The following EDEM3 variants were observed in gnomAD, a reference collection of about 807,000 sequenced individuals.
EDEM3 encodes the protein ER degradation-enhancing alpha-mannosidase-like protein 3.
Under a neutral mutation model 110.2 loss-of-function variants are expected in EDEM3, and 60 were observed. The ratio of observed to expected loss-of-function variants is 0.54; its 90% CI spans 0.44 to 0.67. The LOEUF (loss-of-function observed/expected upper bound fraction) is 0.67. Ranked by LOEUF, EDEM3 falls within the 30% of genes least tolerant of loss-of-function variation. EDEM3 has a pLI of 0.00. For missense variants in EDEM3, 996 were observed against 1,121.0 expected (o/e 0.89, Z 1.59); for synonymous variants, 352 against 382.9 (o/e 0.92, Z 0.94).
chr1:184,694,233 T>G lies in EDEM3; in HGVS notation c.2629A>C (p.Asn877His). The change falls in exon 20 of 20, where the codon AAT (asparagine) becomes CAT (histidine). Residue 877 changes from asparagine to histidine, a missense_variant. Coordinates refer to ENST00000318130, the MANE Select transcript of EDEM3 (RefSeq NM_025191.4). ...TTATCTAAATCTGTACATTCACCAT[T>G]AAGATTTGTAGTCTCATGGTTTTCT... ...PTENHETTNL[N>H]GECTDLDNQL... The G allele has an allele frequency of 1.2e-6, 2 of 1,613,440 alleles. No individual in the cohort carries two copies. The highest frequency in any genetic ancestry group is 1.7e-6 in the Non-Finnish European group (2 of 1,179,626).
rs528899420 is a variant in EDEM3 at position 184,723,790 on chromosome 1, C to T, written c.814G>A (p.Val272Met). The change falls in exon 8 of 20, where the codon GTG (valine) becomes ATG (methionine). Residue 272 changes from valine to methionine, a missense_variant. Transcript: ENST00000318130. The stretch of plus-strand genomic sequence containing the variant: ...TCTCCAGTATGAATATTTATAGTCA[C>T]GCCCACTAAATTACTACTTCGCTGT... ...KRQRSSNLVG[V>M]TINIHTGDWV... The T allele has an allele frequency of 3.6e-5, 58 of 1,599,854 alleles. No individual in the cohort carries two copies. Among genetic ancestry groups the T allele is most frequent in the Admixed American group, 1.5e-4 (9 of 58,528 alleles).
intron 11 of EDEM3, 56 bp downstream of exon 11, chr1:184,719,102 ACGTG>A: frequency 2.3e-5 from 20 of 859,550 alleles, no homozygotes; most frequent in Non-Finnish European, 3.0e-5. Context: ...GTATATGTGT[ACGTG>A]TGTGTGTGTG....
rs138235326 is a variant in EDEM3 at position 184,739,980 on chromosome 1, T to C, written c.205-2269A>G. ...GTTGATGCTGGTGGCCCTGCATACA[T>C]GGCCACGAGCCAGGGCTAGGCTCTT... On this transcript the variant is annotated intron_variant, in intron 2 of 19. Transcript: ENST00000318130. Among the ~76,000 whole-genome samples, 469 of 152,258 alleles carry C rather than the reference T, an allele frequency of 3.1e-3. 5 individuals carry two copies. The East Asian group carries it at 0.035, about 11-fold the overall frequency.
At chr1:184,703,479 G>T (rs1227936024) in intron 18 of EDEM3, among the ~76,000 whole-genome samples, 1 of 152,116 alleles carries the variant, frequency 6.6e-6, no homozygotes. Flanking sequence ...ACTAAAAATG[G>T]ACATTTCTTT....
intron 15 of EDEM3, among the ~76,000 whole-genome samples, chr1:184,711,391 T>C (rs1345649515): frequency 2.0e-5 from 3 of 152,170 alleles, no homozygotes; most frequent in Non-Finnish European, 2.9e-5. Flanking sequence ...TGAGCTATCA[T>C]GCCTGGCCAG....
intron 9 of EDEM3, 44 bp downstream of exon 9, chr1:184,721,245 C>T (rs1183248237): frequency 1.4e-6 from 2 of 1,456,338 alleles, no homozygotes; most frequent in Admixed American, 2.0e-5. Context: ...AAAATCTGGA[C>T]TCAAATGAAG....
rs1649014440 is a variant in EDEM3, at chr1:184,690,473, T to C, written c.*3590A>G. 6.6e-6 allele frequency: 1 copy of C among 152,472 alleles called. No homozygotes were observed. The highest frequency in any genetic ancestry group is 1.9e-4 in the East Asian group (1 of 5,202). 9.4% of individuals were successfully genotyped at this position (152,472 alleles called of 1,614,324 possible). ...CATAAAAGTATGAGGATATGCACAG[T>C]GATTCTAAAAATTCAAATTAAAACT... On this transcript the variant is annotated 3_prime_UTR_variant, in exon 20 of 20. Coordinates refer to ENST00000318130, the MANE Select transcript of EDEM3 (RefSeq NM_025191.4).
At chr1:184,698,556 A>G (rs1205650092) in intron 19 of EDEM3, among the ~76,000 whole-genome samples, 1 of 151,936 alleles carries the variant, frequency 6.6e-6, no homozygotes, top group East Asian at 1.9e-4. Context: ...TGTATAAAGC[A>G]CTAAGAAGAA....
intron 17 of EDEM3, among the ~76,000 whole-genome samples, chr1:184,707,636 C>T (rs1650003359): frequency 6.6e-6 from 1 of 152,186 alleles, no homozygotes; most frequent in Admixed American, 6.5e-5. Context: ...AGTTAGATAA[C>T]TTTGTGAATT....
At chr1:184,705,704 G>C (rs1041928079) in intron 18 of EDEM3, among the ~76,000 whole-genome samples, 1 of 151,982 alleles carries the variant, frequency 6.6e-6, no homozygotes, top group African/African-American at 2.4e-5. Context: ...GCAGGGGAGG[G>C]GGGAATCCAA....
At chr1:184,729,277 C>T (rs61823887) in intron 6 of EDEM3, among the ~76,000 whole-genome samples, 4,444 of 152,214 alleles carry the variant, frequency 0.029, 79 homozygotes, top group Middle Eastern at 0.061. Flanking sequence ...TTAAAAAGGA[C>T]ACTTTTTTAT....
At chr1:184,715,075 G>A (rs1189634390) in intron 13 of EDEM3, among the ~76,000 whole-genome samples, 5 of 152,148 alleles carry the variant, frequency 3.3e-5, no homozygotes, top group Admixed American at 6.6e-5. Context: ...GATAGAGGGT[G>A]GAAACTCATC....
In EDEM3 at chr1:184,711,754, C is replaced by G; in HGVS notation, c.1660G>C (p.Asp554His). 7 of 1,612,666 alleles carry G rather than the reference C, an allele frequency of 4.3e-6. No individual in the cohort carries two copies. Among genetic ancestry groups the G allele is most frequent in the East Asian group, 2.2e-5 (1 of 44,796 alleles). Reference sequence around the variant, plus strand: ...ATGATGCCTCTAGGACAGCTCTTATCCACCACATTTTTCAAGGGCTCACGA... The same window carrying G: ...ATGATGCCTCTAGGACAGCTCTTATGCACCACATTTTTCAAGGGCTCACGA... ...SIREPLKNVV[D>H]KSCPRGIIRV... Residue 554 changes from aspartate (D) to histidine (H), a missense_variant, in exon 15 of 20, where the codon GAT becomes CAT. Coordinates refer to ENST00000318130, the MANE Select transcript of EDEM3 (RefSeq NM_025191.4).
intron 13 of EDEM3, among the ~76,000 whole-genome samples, chr1:184,713,725 G>A (rs899546777): frequency 4.2e-4 from 64 of 152,310 alleles, no homozygotes; most frequent in South Asian, 1.0e-3. Context: ...AAGAACATGG[G>A]CTTTGGAAAT....
chr1:184,725,451 T>A (rs945475698), intron 7 of EDEM3, among the ~76,000 whole-genome samples: 2 of 152,062 alleles, frequency 1.3e-5, no homozygotes, highest in African/African-American at 4.8e-5. Context: ...GAGCAAAACC[T>A]TAAGTTTAAA....
At position 184,711,758 on chromosome 1, in the gene EDEM3, C is replaced by T; in HGVS notation, c.1656G>A (p.Val552=). ...TGCCTCTAGGACAGCTCTTATCCAC[C>T]ACATTTTTCAAGGGCTCACGAATAC... ...AQSIREPLKN[V]VDKSCPRGII... The change falls in exon 15 of 20, where the codon GTG becomes GTA. Residue 552 remains valine, a synonymous_variant. Coordinates refer to ENST00000318130, the MANE Select transcript of EDEM3 (RefSeq NM_025191.4). 6.2e-7 allele frequency: 1 copy of T among 1,612,970 alleles called. No individual in the cohort carries two copies. The highest frequency in any genetic ancestry group is 8.5e-7 in the Non-Finnish European group (1 of 1,179,456).
In EDEM3 at chr1:184,693,948, T is replaced by C. The variant is rs1649196071; in HGVS notation, c.*115A>G. On this transcript the variant is annotated 3_prime_UTR_variant, in exon 20 of 20. Coordinates refer to ENST00000318130, the MANE Select transcript of EDEM3 (RefSeq NM_025191.4). Reference sequence around the variant, plus strand: ...ACTACGCCAGTCAGAACGTGGTTGTTCATCACCATACTTAAAGCCTCCCAT... The same window carrying C: ...ACTACGCCAGTCAGAACGTGGTTGTCCATCACCATACTTAAAGCCTCCCAT... The C allele has an allele frequency of 9.2e-7, 1 of 1,090,460 alleles. No homozygotes were observed. The highest frequency in any genetic ancestry group is 2.5e-5 in the Admixed American group (1 of 40,274). 67.5% of individuals were successfully genotyped at this position (1,090,460 alleles called of 1,614,324 possible). A position where few individuals can be genotyped will look rare whatever the true frequency, so the allele number is the denominator to read the frequency against.
At chr1:184,717,816 A>G (rs1650636304) in intron 11 of EDEM3, among the ~76,000 whole-genome samples, 193 bp from the exon 12 acceptor site, 1 of 152,012 alleles carries the variant, frequency 6.6e-6, no homozygotes, top group Non-Finnish European at 1.5e-5. Flanking sequence ...TACCAATTAA[A>G]TTGATTATTT....
rs371201380 is a variant in EDEM3 at position 184,737,788 on chromosome 1, C to T, written c.205-77G>A. 208 of 1,263,568 alleles carry T rather than the reference C, an allele frequency of 1.6e-4. 3 individuals carry two copies. In the South Asian group the frequency reaches 2.2e-3, roughly 13 times the overall value. 78.3% of individuals were successfully genotyped at this position (1,263,568 alleles called of 1,614,324 possible). ...TCATTTTGAGAACATAACTTTTTCA[C>T]AGTTAAAAAATAAAATAATAGTCAA... On this transcript the variant is annotated intron_variant, in intron 2 of 19. Transcript: ENST00000318130.
Sources: allele counts gnomAD v4.1 joint callset (sites outside exome capture counted in the v4.1 genomes callset), GRCh38; gene constraint gnomAD v4.1.1; transcripts MANE v1.5; gene names NCBI Gene and HGNC (gene_info 2026-07-23, HGNC 2026-07-21).